SLC25A26: variants seen among roughly 807,000 people sequenced by gnomAD.
SLC25A26 encodes the protein mitochondrial S-adenosylmethionine carrier protein.
SLC25A26 carries 36 observed loss-of-function variants against 37.8 expected under a neutral mutation model. The observed-to-expected ratio is 0.95, with a 90% CI of 0.73 to 1.26. The LOEUF (loss-of-function observed/expected upper bound fraction) is 1.26. Among genes scored for constraint, SLC25A26 ranks in the 50% most tolerant of loss-of-function variants. The pLI is 0.00. For missense variants in SLC25A26, 390 were observed against 331.1 expected (o/e 1.18, Z -1.38); for synonymous variants, 129 against 122.5 (o/e 1.05, Z -0.35).
chr3:66,211,744 T>C (rs1201457633), intron 1 of SLC25A26, among the ~76,000 whole-genome samples: 1 of 152,242 alleles, frequency 6.6e-6, no homozygotes, highest in Non-Finnish European at 1.5e-5. Context: ...GCATTTCATT[T>C]TTGAAATCAA....
chr3:66,302,265 C>G (rs1168504296), intron 5 of SLC25A26, among the ~76,000 whole-genome samples: 6 of 152,332 alleles, frequency 3.9e-5, no homozygotes, highest in Admixed American at 6.5e-5. Context: ...ATGTTGGACT[C>G]AAGGTTTTTG....
chr3:66,294,899 G>T (rs1359529421), intron 5 of SLC25A26, among the ~76,000 whole-genome samples: 1 of 152,054 alleles, frequency 6.6e-6, no homozygotes, highest in Non-Finnish European at 1.5e-5. Flanking sequence ...TTAGTTGTAG[G>T]ATTACATTTA....
At chr3:66,376,478 A>C (rs1327150889) in intron 9 of SLC25A26, among the ~76,000 whole-genome samples, 4 of 152,190 alleles carry the variant, frequency 2.6e-5, no homozygotes, top group Non-Finnish European at 4.4e-5. Flanking sequence ...CATTCAAAGC[A>C]AGACCCTCTA....
chr3:66,348,747 A>C (rs1367921514), intron 6 of SLC25A26, among the ~76,000 whole-genome samples: 1 of 152,228 alleles, frequency 6.6e-6, no homozygotes, highest in Admixed American at 6.5e-5. Context: ...TTTAAGGCGT[A>C]GTATTGCTCA....
chr3:66,274,231 C>G (rs1043028518), intron 5 of SLC25A26, among the ~76,000 whole-genome samples: 1 of 151,962 alleles, frequency 6.6e-6, no homozygotes, highest in African/African-American at 2.4e-5. Context: ...CTTCCTTACA[C>G]CTTATACAAA....
intron 1 of SLC25A26, among the ~76,000 whole-genome samples, chr3:66,204,441 A>AAAAAAAAAAAAAAAAAAAAAAAAAAAG (rs2071150607): frequency 1.1e-5 from 1 of 89,374 alleles, no homozygotes. Flanking sequence ...AAAAAAAAAG[A>AAAAAAAAAAAAAAAAAAAAAAAAAAAG]AAAAAAGAAA....
chr3:66,226,015 C>G (rs549678842), intron 1 of SLC25A26, among the ~76,000 whole-genome samples: 2 of 152,326 alleles, frequency 1.3e-5, no homozygotes, highest in East Asian at 1.9e-4. Flanking sequence ...CAAACTGTTC[C>G]AACCCCTGCT....
intron 1 of SLC25A26, among the ~76,000 whole-genome samples, chr3:66,139,997 C>T (rs1164901334): frequency 6.6e-6 from 1 of 152,132 alleles, no homozygotes; most frequent in African/African-American, 2.4e-5. Context: ...CGTTTAAGCA[C>T]ATCAAGAAAG....
chr3:66,146,518 A>G (rs1210381906), intron 1 of SLC25A26, among the ~76,000 whole-genome samples: 1 of 151,966 alleles, frequency 6.6e-6, no homozygotes, highest in African/African-American at 2.4e-5. Flanking sequence ...TATTTTTTCT[A>G]TATGAATATG....
chr3:66,136,720 G>T (rs1221215677), intron 1 of SLC25A26, among the ~76,000 whole-genome samples: 1 of 152,172 alleles, frequency 6.6e-6, no homozygotes, highest in Non-Finnish European at 1.5e-5. Flanking sequence ...TCTTGGCTTT[G>T]CATCAAGTAG....
intron 5 of SLC25A26, chr3:66,324,217 TGTGTGTGTGTG>T (rs2075776200): frequency 6.8e-6 from 1 of 147,104 alleles, no homozygotes; most frequent in African/African-American, 2.7e-5. Flanking sequence ...TGTGTGTGTG[TGTGTGTGTGTG>T]TAGTTTGACA....
chr3:66,316,661 C>T (rs1481014146), intron 5 of SLC25A26, among the ~76,000 whole-genome samples: 2 of 152,080 alleles, frequency 1.3e-5, no homozygotes, highest in African/African-American at 4.8e-5. Flanking sequence ...TGAATGTTGG[C>T]TTATCTTGCT....
intron 5 of SLC25A26, among the ~76,000 whole-genome samples, chr3:66,316,256 T>A (rs1209165244): frequency 2.0e-5 from 3 of 152,198 alleles, no homozygotes; most frequent in Non-Finnish European, 4.4e-5. Flanking sequence ...TTGGTAATGG[T>A]TTTTCCTTTC....
intron 5 of SLC25A26, among the ~76,000 whole-genome samples, chr3:66,288,234 G>C (rs1227331398): frequency 6.6e-6 from 1 of 152,134 alleles, no homozygotes; most frequent in Admixed American, 6.5e-5. Flanking sequence ...CCCTGTCTCT[G>C]AATGAGTTGA....
intron 1 of SLC25A26, among the ~76,000 whole-genome samples, chr3:66,188,032 C>A (rs1467005207): frequency 6.6e-6 from 1 of 152,114 alleles, no homozygotes; most frequent in African/African-American, 2.4e-5. Context: ...GACTTAGAAC[C>A]CTATCCTCAT....
At chr3:66,192,317 C>CAAAAAA (rs1229602690) in intron 1 of SLC25A26, among the ~76,000 whole-genome samples, 7 of 111,150 alleles carry the variant, frequency 6.3e-5, no homozygotes, top group African/African-American at 2.1e-4. Flanking sequence ...CTCCATGTCA[C>CAAAAAA]AAAAAAAAAA....
In SLC25A26 at chr3:66,320,787, A is replaced by G. The variant is rs114953359; in HGVS notation, c.454-25577A>G. Among the ~76,000 whole-genome samples the G allele has an allele frequency of 4.9e-3, 742 of 152,306 alleles. 11 individuals are homozygous for G. The highest frequency in any genetic ancestry group is 0.013 in the African/African-American group (544 of 41,580). On this transcript the variant is annotated intron_variant, in intron 5 of 9. Transcript: ENST00000354883. ...TTATAGTCATACTAATAGGTGTGAA[A>G]TGGTATGAACCAGTTGCATTTTTAA...
intron 1 of SLC25A26, among the ~76,000 whole-genome samples, chr3:66,177,728 A>G (rs1427889657): frequency 6.6e-6 from 1 of 152,252 alleles, no homozygotes; most frequent in African/African-American, 2.4e-5. Flanking sequence ...AGAGTAATGC[A>G]AAGTAAAGCT....
chr3:66,254,206 A>G (rs1300074938), intron 3 of SLC25A26, among the ~76,000 whole-genome samples: 1 of 152,222 alleles, frequency 6.6e-6, no homozygotes, highest in Non-Finnish European at 1.5e-5. Flanking sequence ...CTGTAATTCC[A>G]TTTATCAACA....
Sources: gnomAD v4.1 joint callset for allele counts (sites outside exome capture counted in the v4.1 genomes callset) on GRCh38, gnomAD v4.1.1 for gene constraint, MANE v1.5 for transcripts, NCBI Gene and HGNC (gene_info 2026-07-23, HGNC 2026-07-21) for gene names.